The following SIX2 variants were observed in gnomAD, a reference collection of about 807,000 sequenced individuals.
The protein encoded by SIX2 is SIX homeobox 2.
In SIX2, 20 loss-of-function variants were observed where a neutral mutation model predicts 22.8. That is an observed-to-expected ratio of 0.88 (90% CI 0.62 to 1.28). SIX2 has a LOEUF of 1.28. Among genes scored for constraint, SIX2 ranks in the 50% most tolerant of loss-of-function variants. The probability of loss-of-function intolerance (pLI) is 0.00; values close to 1 mark genes in which losing one functional copy is unlikely to be tolerated. For missense variants in SIX2, 360 were observed against 400.0 expected, an observed-to-expected ratio of 0.90 and a Z score of 0.85; for synonymous variants, 195 against 186.4, an observed-to-expected ratio of 1.05 and a Z score of -0.37.
rs1278334054 is a variant in SIX2, at chr2:45,006,343, G to A, written c.703C>T (p.Pro235Ser). The A allele has an allele frequency of 6.2e-7, 1 of 1,614,038 alleles. No homozygotes were observed. The highest frequency in any genetic ancestry group is 8.5e-7 in the Non-Finnish European group (1 of 1,179,894). The change falls in exon 2 of 2, where the codon CCG becomes TCG. Residue 235 changes from proline to serine, a missense_variant. By Grantham distance (74) the Pro-to-Ser change is moderately conservative. Coordinates refer to ENST00000303077, the MANE Select transcript of SIX2 (RefSeq NM_016932.5). This position sits in a 1 kb window ranked among gnomAD's most constrained non-coding sequence, Gnocchi z 4.2. ...SSSSPALLLS[P>S]PPPGLPSLHS... ...AGGGACGGCAGCCCAGGGGGCGGCGGGCTGAGGAGCAGTGCGGGGCTGGAT... is the reference window on the plus strand; with the variant it reads ...AGGGACGGCAGCCCAGGGGGCGGCGAGCTGAGGAGCAGTGCGGGGCTGGAT...
chr2:45,008,567 C>T lies in SIX2; in HGVS notation c.544G>A (p.Ala182Thr). 3.1e-6 allele frequency: 5 copies of T among 1,613,826 alleles called. No individual in the cohort carries two copies. Among genetic ancestry groups the T allele is most frequent in the Non-Finnish European group, 3.4e-6 (4 of 1,179,952 alleles). ...TACTCGTACCTTTCCTTGGCCTCGG[C>T]CGCCCGGTCGCGCTGCCGCCGGTTC... ...FKNRRQRDRA[A>T]EAKERENNEN... The change falls in exon 1 of 2, where the codon GCC (alanine) becomes ACC (threonine). Residue 182 changes from alanine to threonine, a missense_variant. Around this residue, in one of 3 missense-constraint regions of SIX2, gnomAD observed 235 missense variants for 231.9 expected, o/e 1.01. Coordinates refer to ENST00000303077, the MANE Select transcript of SIX2 (RefSeq NM_016932.5).
At position 45,006,411 on chromosome 2, in the gene SIX2, G is replaced by C. The variant is rs375228554; in HGVS notation, c.635C>G (p.Ser212Trp). ...NGSGKSVLGS[S>W]EDEKTPSGTP... ...CCCCGATGGAGTCTTCTCATCCTCC[G>C]AGCTGCCTAACACCGACTTGCCGCT... The change falls in exon 2 of 2, where the codon TCG (serine) becomes TGG (tryptophan). Residue 212 changes from serine (S) to tryptophan (W), a missense_variant. By Grantham distance (177) the Ser-to-Trp change is radical. Around this residue, in one of 3 missense-constraint regions of SIX2, gnomAD observed 235 missense variants for 231.9 expected, o/e 1.01. Transcript: ENST00000303077. The surrounding 1 kb of genome is among the most constrained non-coding windows in gnomAD (Gnocchi z 4.2). 2 of 1,614,044 alleles carry C rather than the reference G, an allele frequency of 1.2e-6. No individual in the cohort carries two copies. The highest frequency in any genetic ancestry group is 1.3e-5 in the African/African-American group (1 of 74,918).
rs1184292215 is a variant in SIX2, at chr2:45,006,035, C to T, written c.*135G>A. On this transcript the variant is annotated 3_prime_UTR_variant, in exon 2 of 2. Transcript: ENST00000303077. This position sits in a 1 kb window ranked among gnomAD's most constrained non-coding sequence, Gnocchi z 4.2. ...AACATAGACAGCTATCTGCCCTACC[C>T]GGCTGTTCTACCCGCTCAGCCTGCG... The T allele has an allele frequency of 2.9e-5, 26 of 907,338 alleles. No individual in the cohort carries two copies. Among genetic ancestry groups the T allele is most frequent in the East Asian group, 4.8e-5 (2 of 41,334 alleles). The allele number at this position is 907,338 out of a possible 1,614,324, so 56.2% of individuals were successfully genotyped here.
In SIX2 at chr2:45,009,015, G is replaced by A; in HGVS notation, c.96C>T (p.Arg32=). The A allele has an allele frequency of 6.2e-7, 1 of 1,611,036 alleles. No homozygotes were observed. The highest frequency in any genetic ancestry group is 8.5e-7 in the Non-Finnish European group (1 of 1,179,750). ...QQGGNIERLG[R]FLWSLPACEH... is the part of the protein sequence containing the mutation. ...CGCAGGCGGGCAGCGACCACAGGAA[G>A]CGGCCCAGCCGCTCGATGTTGCCGC... is the stretch of plus-strand genomic sequence containing the variant. Residue 32 remains arginine, a synonymous_variant, in exon 1 of 2, where the codon CGC becomes CGT. Coordinates refer to ENST00000303077, the MANE Select transcript of SIX2 (RefSeq NM_016932.5).
In SIX2 at chr2:45,006,513, G is replaced by A. The variant is rs571866952; in HGVS notation, c.561-28C>T. On this transcript the variant is annotated intron_variant, in intron 1 of 1. Coordinates refer to ENST00000303077, the MANE Select transcript of SIX2 (RefSeq NM_016932.5). The surrounding 1 kb of genome is among the most constrained non-coding windows in gnomAD (Gnocchi z 4.2). ...GCAAGTGCGGGAGCAAAGCAGCGGGGTCAGCAGGGACATCGAGACCACCCA... is the reference window on the plus strand; with the variant it reads ...GCAAGTGCGGGAGCAAAGCAGCGGGATCAGCAGGGACATCGAGACCACCCA... The A allele has an allele frequency of 2.3e-5, 37 of 1,605,312 alleles. 1 individual carries two copies. In the South Asian group the frequency reaches 4.1e-4, roughly 18 times the overall value.
In SIX2 at chr2:45,009,029, C is replaced by T. The variant is rs1461446076; in HGVS notation, c.82G>A (p.Glu28Lys). 5.6e-6 allele frequency: 9 copies of T among 1,609,786 alleles called. No individual in the cohort carries two copies. The highest frequency in any genetic ancestry group is 7.6e-6 in the Non-Finnish European group (9 of 1,179,624). The change falls in exon 1 of 2, where the codon GAG becomes AAG. Residue 28 changes from glutamate (E) to lysine (K), a missense_variant. Around this residue, in one of 3 missense-constraint regions of SIX2, gnomAD observed 118 missense variants for 135.1 expected, o/e 0.87. Coordinates refer to ENST00000303077, the MANE Select transcript of SIX2 (RefSeq NM_016932.5). ...CEVLQQGGNI[E>K]RLGRFLWSLP... ...GACCACAGGAAGCGGCCCAGCCGCT[C>T]GATGTTGCCGCCCTGCTGCAGCACC...
rs1035129104 is a variant in SIX2, at chr2:45,009,166, C to G, written c.-56G>C. 5.4e-5 allele frequency: 75 copies of G among 1,393,830 alleles called. No homozygotes were observed. The South Asian group carries it at 1.2e-3, about 22-fold the overall frequency. The allele number at this position is 1,393,830 out of a possible 1,614,324, so 86.3% of individuals were successfully genotyped here. Reference sequence around the variant, plus strand: ...GCGCCCTCACCGGGCCGCGCGGTCCCGCATGGGAGCTTCCTCGCCGGGCCG... The same window carrying G: ...GCGCCCTCACCGGGCCGCGCGGTCCGGCATGGGAGCTTCCTCGCCGGGCCG... On this transcript the variant is annotated 5_prime_UTR_variant, in exon 1 of 2. Transcript: ENST00000303077.
chr2:45,009,039 G>A lies in SIX2; in HGVS notation c.72C>T (p.Gly24=). Residue 24 remains glycine (G), a synonymous_variant, in exon 1 of 2, where the codon GGC becomes GGT. Coordinates refer to ENST00000303077, the MANE Select transcript of SIX2 (RefSeq NM_016932.5). The stretch of plus-strand genomic sequence containing the variant: ...AGCGGCCCAGCCGCTCGATGTTGCC[G>A]CCCTGCTGCAGCACCTCGCACACGC... ...VACVCEVLQQ[G]GNIERLGRFL... The A allele has an allele frequency of 6.2e-7, 1 of 1,608,266 alleles. No homozygotes were observed. Among genetic ancestry groups the A allele is most frequent in the South Asian group, 1.1e-5 (1 of 90,888 alleles).
chr2:45,006,498 G>C lies in SIX2; in HGVS notation c.561-13C>G. ...CTCGTTGTTCTCCCTGCAAGTGCGG[G>C]AGCAAAGCAGCGGGGTCAGCAGGGA... On this transcript the variant is annotated splice_polypyrimidine_tract_variant and intron_variant, in intron 1 of 1. Transcript: ENST00000303077. This position sits in a 1 kb window ranked among gnomAD's most constrained non-coding sequence, Gnocchi z 4.2. The C allele has an allele frequency of 6.2e-7, 1 of 1,611,294 alleles. No individual in the cohort carries two copies. Among genetic ancestry groups the C allele is most frequent in the Non-Finnish European group, 8.5e-7 (1 of 1,179,816 alleles).
In SIX2 at chr2:45,009,272, C is replaced by T. The variant is rs1199546125; in HGVS notation, c.-162G>A. ...AGCCCCGAGTCACTGCCGTACGTCC[C>T]CGCGCCGGCCGCGGGTCCCACGAAG... On this transcript the variant is annotated 5_prime_UTR_variant, in exon 1 of 2. Coordinates refer to ENST00000303077, the MANE Select transcript of SIX2 (RefSeq NM_016932.5). 2.4e-6 allele frequency: 1 copy of T among 413,186 alleles called. No homozygotes were observed. The highest frequency in any genetic ancestry group is 3.7e-6 in the Non-Finnish European group (1 of 273,856). 25.6% of individuals were successfully genotyped at this position (413,186 alleles called of 1,614,324 possible). A position where few individuals can be genotyped will look rare whatever the true frequency, so the allele number is the denominator to read the frequency against.
chr2:45,009,151 C>G lies in SIX2; in HGVS notation c.-41G>C. 5 of 1,477,854 alleles carry G rather than the reference C, an allele frequency of 3.4e-6. No individual in the cohort carries two copies. Among genetic ancestry groups the G allele is most frequent in the South Asian group, 1.3e-5 (1 of 76,086 alleles). The allele number at this position is 1,477,854 out of a possible 1,614,324, so 91.5% of individuals were successfully genotyped here. ...CCCGCCCGCCCGCGCGCGCCCTCAC[C>G]GGGCCGCGCGGTCCCGCATGGGAGC... On this transcript the variant is annotated 5_prime_UTR_variant, in exon 1 of 2. Coordinates refer to ENST00000303077, the MANE Select transcript of SIX2 (RefSeq NM_016932.5).
intron 1 of SIX2, among the ~76,000 whole-genome samples, chr2:45,007,913 G>A (rs1046832308): frequency 6.6e-6 from 1 of 152,086 alleles, no homozygotes; most frequent in African/African-American, 2.4e-5. Context: ...AGGGAAGGGC[G>A]GCTATCTCTA....
chr2:45,007,876 A>G (rs1667794039), intron 1 of SIX2, among the ~76,000 whole-genome samples: 1 of 152,104 alleles, frequency 6.6e-6, no homozygotes, highest in Admixed American at 6.5e-5. Flanking sequence ...GGGCCTAAGG[A>G]GAGAGGCATC....
rs560773647 is a variant in SIX2, at chr2:45,007,427, C to T, written c.561-942G>A. ...GGGTAGGATCTCTTGTCACCAGCTT[C>T]GGGAGGGTTTTTCTTTCTGCTTTCC... On this transcript the variant is annotated intron_variant, in intron 1 of 1. Coordinates refer to ENST00000303077, the MANE Select transcript of SIX2 (RefSeq NM_016932.5). 3.9e-5 allele frequency among the ~76,000 whole-genome samples: 6 copies of T among 152,282 alleles called. No individual in the cohort carries two copies. The East Asian group carries it at 7.7e-4, about 20-fold the overall frequency.
chr2:45,007,791 C>G (rs1667792638), intron 1 of SIX2, among the ~76,000 whole-genome samples: 1 of 152,128 alleles, frequency 6.6e-6, no homozygotes. Context: ...CCTGGTTTAC[C>G]TGAGGACATC....
Position 45,008,617 on chromosome 2 carries a change from G to A in SIX2, c.494C>T (p.Thr165Ile), listed in dbSNP as rs1382789688. ...RELAEATGLT[T>I]TQVSNWFKNR... ...CTTGAACCAGTTGCTGACCTGTGTG[G>A]TGGTGAGGCCCGTGGCCTCCGCCAG... The change falls in exon 1 of 2, where the codon ACC (threonine) becomes ATC (isoleucine). Residue 165 changes from threonine (T) to isoleucine (I), a missense_variant. Coordinates refer to ENST00000303077, the MANE Select transcript of SIX2 (RefSeq NM_016932.5). 1.2e-6 allele frequency: 2 copies of A among 1,614,048 alleles called. No individual in the cohort carries two copies.
Position 45,006,575 on chromosome 2 carries a change from C to A in SIX2, c.561-90G>T. The A allele has an allele frequency of 7.9e-7, 1 of 1,265,832 alleles. No individual in the cohort carries two copies. Among genetic ancestry groups the A allele is most frequent in the Non-Finnish European group, 1.1e-6 (1 of 875,882 alleles). 78.4% of individuals were successfully genotyped at this position (1,265,832 alleles called of 1,614,324 possible). A position where few individuals can be genotyped will look rare whatever the true frequency, so the allele number is the denominator to read the frequency against. On this transcript the variant is annotated intron_variant, in intron 1 of 1. Transcript: ENST00000303077. This position sits in a 1 kb window ranked among gnomAD's most constrained non-coding sequence, Gnocchi z 4.2. ...GTCACAGTCAGAGCCAGCCACCAGC[C>A]TCGGGAGACAGATCCCGGGCTTGTG...
In SIX2 at chr2:45,006,145, G is replaced by T. The variant is rs1419483689; in HGVS notation, c.*25C>A. On this transcript the variant is annotated 3_prime_UTR_variant, in exon 2 of 2. Transcript: ENST00000303077. This position sits in a 1 kb window ranked among gnomAD's most constrained non-coding sequence, Gnocchi z 4.2. ...CGTCCCCAGTGTCAAGTCACAAAAGGCAAGCTCATCAAGGCAAATGGGTTC... is the reference window on the plus strand; with the variant it reads ...CGTCCCCAGTGTCAAGTCACAAAAGTCAAGCTCATCAAGGCAAATGGGTTC... 1 of 1,613,314 alleles carries T rather than the reference G, an allele frequency of 6.2e-7. No homozygotes were observed. The highest frequency in any genetic ancestry group is 1.7e-5 in the Admixed American group (1 of 60,034).
chr2:45,006,550 G>C lies in SIX2; in HGVS notation c.561-65C>G. On this transcript the variant is annotated intron_variant, in intron 1 of 1. Coordinates refer to ENST00000303077, the MANE Select transcript of SIX2 (RefSeq NM_016932.5). This position sits in a 1 kb window ranked among gnomAD's most constrained non-coding sequence, Gnocchi z 4.2. Reference sequence around the variant, plus strand: ...ATCGAGACCACCCAGCGCCATCTCAGTCACAGTCAGAGCCAGCCACCAGCC... The same window carrying C: ...ATCGAGACCACCCAGCGCCATCTCACTCACAGTCAGAGCCAGCCACCAGCC... 1 of 1,496,270 alleles carries C rather than the reference G, an allele frequency of 6.7e-7. No individual in the cohort carries two copies. The highest frequency in any genetic ancestry group is 9.2e-7 in the Non-Finnish European group (1 of 1,083,838). 92.7% of individuals were successfully genotyped at this position (1,496,270 alleles called of 1,614,324 possible).
Sources: gnomAD v4.1 joint callset for allele counts (sites outside exome capture counted in the v4.1 genomes callset) on GRCh38, gnomAD v4.1.1 for gene constraint, gnomAD v4.1.1 regional missense constraint, Gnocchi (gnomAD v3.1) non-coding constraint, MANE v1.5 for transcripts, NCBI Gene and HGNC (gene_info 2026-07-23, HGNC 2026-07-21) for gene names.